The following CHST9 variants were observed in gnomAD, a reference collection of about 807,000 sequenced individuals.
CHST9 encodes the protein GalNAc-4-sulfotransferase 2.
In CHST9, 41 loss-of-function variants were observed where a neutral mutation model predicts 44.4. The observed-to-expected ratio is 0.92, with a 90% CI of 0.72 to 1.20. The LOEUF is 1.20. Ranked by LOEUF, CHST9 falls within the 50% of genes most tolerant of loss-of-function variation. CHST9 has a pLI of 0.00. For missense variants in CHST9, 504 were observed against 516.5 expected (o/e 0.98, Z 0.23); for synonymous variants, 171 against 178.4 (o/e 0.96, Z 0.33).
intron 4 of CHST9, among the ~76,000 whole-genome samples, chr18:27,014,168 C>A (rs1262894841): frequency 6.6e-6 from 1 of 151,982 alleles, no homozygotes; most frequent in Non-Finnish European, 1.5e-5. Context: ...ATAATCGAAA[C>A]ATTTCAATTT....
At position 26,965,732 on chromosome 18, in the gene CHST9, A is replaced by T. The variant is rs533689310; in HGVS notation, c.203-21366T>A. 2.0e-5 allele frequency among the ~76,000 whole-genome samples: 3 copies of T among 152,360 alleles called. No individual in the cohort carries two copies. The East Asian group carries it at 5.8e-4, about 29-fold the overall frequency. On this transcript the variant is annotated intron_variant, in intron 4 of 5. Coordinates refer to ENST00000618847, the MANE Select transcript of CHST9 (RefSeq NM_031422.6). Reference sequence around the variant, plus strand: ...CTCTCCTCTTCACTCCTGCAGCAACAGCAAAAATCATCTGTCGAGTTAAGG... The same window carrying T: ...CTCTCCTCTTCACTCCTGCAGCAACTGCAAAAATCATCTGTCGAGTTAAGG...
rs570807246 is a variant in CHST9, at chr18:27,030,320, T to A, written c.161-6163A>T. 3.9e-5 allele frequency among the ~76,000 whole-genome samples: 6 copies of A among 152,360 alleles called. No homozygotes were observed. The South Asian group carries it at 1.2e-3, about 32-fold the overall frequency. ...AAAAGTAATTATTGCCATGATGTGG[T>A]TGAGATTGAAAACTTTCTTTTTATA... On this transcript the variant is annotated intron_variant, in intron 3 of 5. Transcript: ENST00000618847.
chr18:26,914,759 G>C lies in CHST9; in HGVS notation c.*1500C>G. ...AAATAAGTATGACTGCAACTATCTT[G>C]GTCTATTAACATTCAACTATTAATA... On this transcript the variant is annotated 3_prime_UTR_variant, in exon 6 of 6. Transcript: ENST00000618847. 1 of 393,304 alleles carries C rather than the reference G, an allele frequency of 2.5e-6. No individual in the cohort carries two copies. Among genetic ancestry groups the C allele is most frequent in the Non-Finnish European group, 4.5e-6 (1 of 223,034 alleles). 24.4% of individuals were successfully genotyped at this position (393,304 alleles called of 1,614,324 possible). A position where few individuals can be genotyped will look rare whatever the true frequency, so the allele number is the denominator to read the frequency against.
At position 27,095,563 on chromosome 18, in the gene CHST9, G is replaced by T. The variant is rs192133764; in HGVS notation, c.122-47060C>A. 3.1e-3 allele frequency among the ~76,000 whole-genome samples: 472 copies of T among 152,168 alleles called. 6 individuals are homozygous for T. Among genetic ancestry groups the T allele is most frequent in the Non-Finnish European group, 3.5e-3 (240 of 67,958 alleles). The stretch of plus-strand genomic sequence containing the variant: ...AGAGAGCCATCTCAAACATAATGAC[G>T]CCAATAGGCTCAAAGCAAAGGGTTG... On this transcript the variant is annotated intron_variant, in intron 2 of 5. Transcript: ENST00000618847.
intron 3 of CHST9, among the ~76,000 whole-genome samples, chr18:27,036,097 C>T (rs760843296): frequency 1.5e-4 from 23 of 152,036 alleles, no homozygotes; most frequent in Non-Finnish European, 2.9e-4. Context: ...TTCAAAAGTA[C>T]ACACCCTTTT....
chr18:26,984,965 A>AT, intron 4 of CHST9, among the ~76,000 whole-genome samples: 1 of 152,286 alleles, frequency 6.6e-6, no homozygotes, highest in Middle Eastern at 3.4e-3. Context: ...AGCAAAGCAT[A>AT]TGCCTGTCCC....
chr18:26,916,960 T>A lies in CHST9; in HGVS notation c.631A>T (p.Lys211Ter). 6.2e-7 allele frequency: 1 copy of A among 1,613,918 alleles called. No homozygotes were observed. The highest frequency in any genetic ancestry group is 8.5e-7 in the Non-Finnish European group (1 of 1,179,852). ...ACCTCACAATATAAGATTTTGTGTT[T>A]ATCTTCTACATAGATTCTGGATACT... ...HTVSRIYVED[K>*]HKILYCEVPK... Residue 211 changes from lysine to a stop codon, truncating the protein, a stop_gained, in exon 6 of 6, where the codon AAA (lysine) becomes TAA (stop). Transcript: ENST00000618847. LOFTEE classifies it high-confidence loss of function.
chr18:27,035,601 G>A (rs1045403261), intron 3 of CHST9, among the ~76,000 whole-genome samples: 3 of 151,846 alleles, frequency 2.0e-5, no homozygotes, highest in South Asian at 2.1e-4. Flanking sequence ...CATACATAAT[G>A]GAATATTATA....
intron 2 of CHST9, among the ~76,000 whole-genome samples, chr18:27,051,325 A>G (rs550213711): frequency 6.6e-6 from 1 of 151,494 alleles, no homozygotes; most frequent in African/African-American, 2.4e-5. Flanking sequence ...AGGCTGAGGC[A>G]GGAGGATCAC....
intron 1 of CHST9, among the ~76,000 whole-genome samples, chr18:27,175,595 G>A (rs1389474814): frequency 6.6e-6 from 1 of 151,990 alleles, no homozygotes; most frequent in Non-Finnish European, 1.5e-5. Flanking sequence ...GGGCATCATA[G>A]CTTACAAACT....
At chr18:26,917,735 G>A (rs2055563606) in intron 5 of CHST9, among the ~76,000 whole-genome samples, 1 of 152,116 alleles carries the variant, frequency 6.6e-6, no homozygotes, top group Non-Finnish European at 1.5e-5. Flanking sequence ...TTTTGAGATT[G>A]AAACTTTTAT....
At chr18:27,051,616 C>T (rs2339260) in intron 2 of CHST9, among the ~76,000 whole-genome samples, 101,765 of 151,900 alleles carry the variant, frequency 0.67, 34,929 homozygotes, top group Non-Finnish European at 0.76. Context: ...TTGCTAGGCA[C>T]ATGAGCAATC....
intron 4 of CHST9, among the ~76,000 whole-genome samples, chr18:27,016,285 C>T (rs2057153458): frequency 6.6e-6 from 1 of 152,206 alleles, no homozygotes; most frequent in Non-Finnish European, 1.5e-5. Context: ...CTACCTCACT[C>T]TACCCGTTTC....
At chr18:26,994,759 T>C (rs1402196312) in intron 4 of CHST9, among the ~76,000 whole-genome samples, 3 of 152,076 alleles carry the variant, frequency 2.0e-5, no homozygotes. Flanking sequence ...CAGCTAATTT[T>C]TGTATTTTTA....
intron 4 of CHST9, among the ~76,000 whole-genome samples, chr18:26,950,445 G>T (rs538354407): frequency 1.3e-5 from 2 of 152,034 alleles, no homozygotes; most frequent in East Asian, 3.8e-4. Flanking sequence ...AGCACAATTC[G>T]CAGTTGCAAA....
At chr18:27,003,043 A>T (rs910472013) in intron 4 of CHST9, among the ~76,000 whole-genome samples, 4 of 152,218 alleles carry the variant, frequency 2.6e-5, no homozygotes, top group Non-Finnish European at 4.4e-5. Context: ...ACATAAATTT[A>T]AAAAAGTTAA....
At chr18:27,150,538 C>CT (rs370776336) in intron 1 of CHST9, among the ~76,000 whole-genome samples, 2,684 of 152,300 alleles carry the variant, frequency 0.018, 67 homozygotes, top group African/African-American at 0.059. Context: ...TAAAGTCTAA[C>CT]AGGCTTACTA....
chr18:27,038,724 A>G (rs559499013), intron 3 of CHST9, among the ~76,000 whole-genome samples: 2 of 152,252 alleles, frequency 1.3e-5, no homozygotes, highest in East Asian at 3.9e-4. Flanking sequence ...TTCATTAACC[A>G]TAACTTTATT....
At chr18:26,948,218 AG>A (rs1423437913) in intron 4 of CHST9, among the ~76,000 whole-genome samples, 1 of 152,104 alleles carries the variant, frequency 6.6e-6, no homozygotes, top group Non-Finnish European at 1.5e-5. Flanking sequence ...GGGCACAGGG[AG>A]GGGAACATCA....
Sources: allele counts gnomAD v4.1 joint callset (sites outside exome capture counted in the v4.1 genomes callset), GRCh38; gene constraint gnomAD v4.1.1; transcripts MANE v1.5; gene names NCBI Gene and HGNC (gene_info 2026-07-23, HGNC 2026-07-21).